Variants in NOSTRIN observed in about 807,000 individuals in gnomAD.
The protein encoded by NOSTRIN is BM247 homolog.
In NOSTRIN, 63 loss-of-function variants were observed where a neutral mutation model predicts 59.0. The ratio of observed to expected loss-of-function variants is 1.07; its 90% CI spans 0.87 to 1.32. The LOEUF is 1.32. Among genes scored for constraint, NOSTRIN ranks in the 40% most tolerant of loss-of-function variants. NOSTRIN has a pLI of 0.00. For missense variants in NOSTRIN, 512 were observed against 473.1 expected (o/e 1.08, Z -0.76); for synonymous variants, 200 against 165.4 (o/e 1.21, Z -1.61).
upstream of NOSTRIN, among the ~76,000 whole-genome samples, chr2:168,800,056 C>T (rs1685574345): frequency 3.3e-5 from 5 of 152,308 alleles, no homozygotes; most frequent in Non-Finnish European, 5.9e-5. Flanking sequence ...CGAGCTCTTC[C>T]ACTCACTCTT....
intron 1 of NOSTRIN, 151 bp downstream of exon 1, chr2:168,802,824 T>A: frequency 1.4e-6 from 1 of 694,550 alleles, no homozygotes; most frequent in Non-Finnish European, 2.6e-6. Flanking sequence ...GTGGTTTTTC[T>A]TTGGTTCAGT....
chr2:168,817,322 C>T (rs1686464147), intron 2 of NOSTRIN, among the ~76,000 whole-genome samples: 1 of 152,194 alleles, frequency 6.6e-6, no homozygotes, highest in Non-Finnish European at 1.5e-5. Context: ...AAAGGGACAG[C>T]AGCAGTCATG....
chr2:168,839,008 C>G (rs1256622743), intron 7 of NOSTRIN, among the ~76,000 whole-genome samples: 2 of 152,046 alleles, frequency 1.3e-5, no homozygotes, highest in Admixed American at 1.3e-4. Context: ...TGTTCTCGAA[C>G]TCCTGACCAC....
chr2:168,834,157 A>G, intron 6 of NOSTRIN, 70 bp from the exon 7 acceptor site: 1 of 793,792 alleles, frequency 1.3e-6, no homozygotes. Context: ...CTTTGTTCCA[A>G]AAGAGGAGAG....
In NOSTRIN at chr2:168,857,532, T is replaced by G. The variant is rs911627144; in HGVS notation, c.1053+754T>G. ...GCTGAGTGTGTGAACTCTAGCCCCA[T>G]AGACATTCGTGGGGATTGATGGACA... On this transcript the variant is annotated intron_variant, in intron 12 of 15. Coordinates refer to ENST00000317647, the MANE Select transcript of NOSTRIN (RefSeq NM_001039724.4). Among the ~76,000 whole-genome samples the G allele has an allele frequency of 3.3e-5, 5 of 152,112 alleles. No homozygotes were observed. The East Asian group carries it at 9.6e-4, about 29-fold the overall frequency.
intron 11 of NOSTRIN, 109 bp from the exon 12 acceptor site, chr2:168,856,581 A>AAT (rs1313304756): frequency 1.8e-5 from 17 of 960,940 alleles, no homozygotes; most frequent in Admixed American, 4.3e-5. Context: ...TCTTAAAAAA[A>AAT]AAAATCTCAC....
chr2:168,864,967 A>G lies in NOSTRIN; in HGVS notation c.1518A>G (p.Ala506=), dbSNP rs767898158. 1.9e-6 allele frequency: 3 copies of G among 1,614,054 alleles called. No individual in the cohort carries two copies. In the East Asian group the frequency reaches 6.7e-5, roughly 36 times the overall value. Residue 506 remains alanine (A), a synonymous_variant, in exon 16 of 16, where the codon GCA becomes GCG. Coordinates refer to ENST00000317647, the MANE Select transcript of NOSTRIN (RefSeq NM_001039724.4). ...ATGCTGGCAACACAGCTACAAAGGC[A>G]TAAAACAAGACTCTGAACATACTAC... The part of the protein sequence containing the change: ...PSNAGNTATK[A]
At chr2:168,860,469 G>A (rs977779270) in intron 13 of NOSTRIN, among the ~76,000 whole-genome samples, 5 of 152,158 alleles carry the variant, frequency 3.3e-5, no homozygotes, top group East Asian at 1.9e-4. Flanking sequence ...TCAGGAGTTC[G>A]AGAGCAGCCT....
intron 7 of NOSTRIN, among the ~76,000 whole-genome samples, chr2:168,836,618 T>C (rs1687736444): frequency 6.6e-6 from 1 of 152,166 alleles, no homozygotes; most frequent in African/African-American, 2.4e-5. Context: ...CACCAGAAGC[T>C]GATCTAAACC....
chr2:168,857,483 G>C (rs1689195415), intron 12 of NOSTRIN, among the ~76,000 whole-genome samples: 1 of 152,196 alleles, frequency 6.6e-6, no homozygotes, highest in Non-Finnish European at 1.5e-5. Context: ...GAAGAGGCAG[G>C]GAGGTGGGCC....
At chr2:168,853,936 C>G (rs1688924161) in intron 10 of NOSTRIN, among the ~76,000 whole-genome samples, 1 of 152,212 alleles carries the variant, frequency 6.6e-6, no homozygotes, top group Non-Finnish European at 1.5e-5. Flanking sequence ...GGCACAATGT[C>G]AGCTCACTGC....
At chr2:168,853,437 G>A (rs1218039197) in intron 10 of NOSTRIN, among the ~76,000 whole-genome samples, 3 of 152,148 alleles carry the variant, frequency 2.0e-5, no homozygotes, top group East Asian at 3.8e-4. Flanking sequence ...AATTTTATAC[G>A]CCTCCTCCAG....
At chr2:168,860,632 C>T (rs192713544) in intron 13 of NOSTRIN, among the ~76,000 whole-genome samples, 163 bp from the exon 14 acceptor site, 1 of 150,948 alleles carries the variant, frequency 6.6e-6, no homozygotes, top group East Asian at 1.9e-4. Context: ...GATCATGCCA[C>T]TGCACTCCAG....
chr2:168,865,056 CAT>C lies in NOSTRIN; in HGVS notation c.*87_*88del. The C allele has an allele frequency of 6.9e-7, 1 of 1,443,612 alleles. No homozygotes were observed. Among genetic ancestry groups the C allele is most frequent in the Admixed American group, 2.1e-5 (1 of 48,298 alleles). The allele number at this position is 1,443,612 out of a possible 1,614,324, so 89.4% of individuals were successfully genotyped here. ...TAAGAATAAAGTGCTCTTACCTTTACATGTTTTTCTTTTGAAATGGATGGAGT... is the reference window on the plus strand; with the variant it reads ...TAAGAATAAAGTGCTCTTACCTTTACGTTTTTCTTTTGAAATGGATGGAGT... On this transcript the variant is annotated 3_prime_UTR_variant, in exon 16 of 16. Coordinates refer to ENST00000317647, the MANE Select transcript of NOSTRIN (RefSeq NM_001039724.4).
chr2:168,861,700 G>A (rs1370975791), intron 14 of NOSTRIN, among the ~76,000 whole-genome samples: 1 of 152,062 alleles, frequency 6.6e-6, no homozygotes, highest in Admixed American at 6.6e-5. Flanking sequence ...ATACAATGAT[G>A]TTTTTCTCTA....
intron 3 of NOSTRIN, among the ~76,000 whole-genome samples, chr2:168,826,392 T>G (rs927943819): frequency 3.3e-5 from 5 of 152,240 alleles, no homozygotes; most frequent in African/African-American, 1.2e-4. Context: ...ACAGATATCC[T>G]GTTACTTCAT....
At chr2:168,804,245 C>T (rs1685733134) in intron 1 of NOSTRIN, among the ~76,000 whole-genome samples, 1 of 152,134 alleles carries the variant, frequency 6.6e-6, no homozygotes, top group South Asian at 2.1e-4. Flanking sequence ...GCTTAAAGCT[C>T]CACTCCCTGG....
intron 7 of NOSTRIN, among the ~76,000 whole-genome samples, chr2:168,838,534 C>G (rs1161846511): frequency 6.6e-6 from 1 of 152,154 alleles, no homozygotes; most frequent in Non-Finnish European, 1.5e-5. Flanking sequence ...GCCACCGTGC[C>G]CAGCCCCAAA....
intron 7 of NOSTRIN, among the ~76,000 whole-genome samples, chr2:168,837,605 G>A (rs184304356): frequency 7.2e-5 from 11 of 151,958 alleles, no homozygotes; most frequent in East Asian, 1.9e-4. Context: ...CACCGCGCCC[G>A]GTCACAATAT....
Sources: gnomAD v4.1 joint callset for allele counts (sites outside exome capture counted in the v4.1 genomes callset) on GRCh38, gnomAD v4.1.1 for gene constraint, MANE v1.5 for transcripts, NCBI Gene and HGNC (gene_info 2026-07-23, HGNC 2026-07-21) for gene names.